Variants in MTMR8 observed in about 807,000 individuals in gnomAD.
MTMR8 encodes phosphatidylinositol-3,5-bisphosphate 3-phosphatase MTMR8.
In MTMR8, 65 loss-of-function variants were observed where a neutral mutation model predicts 39.3. The ratio of observed to expected loss-of-function variants is 1.65; its 90% confidence interval spans 1.35 to 2.03. The LOEUF (loss-of-function observed/expected upper bound fraction) is 2.03, where lower values mean the gene tolerates loss of function less well. MTMR8 is among the 30% of genes most tolerant of loss of function. The pLI, the probability that MTMR8 is intolerant of heterozygous loss-of-function variation, is 0.00. For missense variants in MTMR8, 777 were observed against 538.9 expected (o/e 1.44, Z -4.37); for synonymous variants, 245 against 185.2 (o/e 1.32, Z -2.62).
intron 10 of MTMR8, among the ~76,000 whole-genome samples, 176 bp from the exon 11 acceptor site, chrX:64,331,933 T>A (rs1443770063): frequency 6.3e-5 from 7 of 111,677 alleles, no homozygotes; most frequent in Admixed American, 2.8e-4. Flanking sequence ...ACCTCTTAGC[T>A]GCTGGTGTCC....
intron 12 of MTMR8, among the ~76,000 whole-genome samples, chrX:64,285,899 C>G (rs1336113074): frequency 5.4e-5 from 6 of 111,390 alleles, no homozygotes; most frequent in Admixed American, 9.5e-5. Context: ...GACACCCTAA[C>G]ATCACAATTA....
chrX:64,302,020 T>G (rs1414717444), intron 12 of MTMR8, among the ~76,000 whole-genome samples: 1 of 112,523 alleles, frequency 8.9e-6, no homozygotes, highest in Non-Finnish European at 1.9e-5. Flanking sequence ...TGTCTTTTTG[T>G]TTGTCTGTGC....
chrX:64,296,678 C>T (rs1293782370), intron 12 of MTMR8, among the ~76,000 whole-genome samples: 1 of 107,091 alleles, frequency 9.3e-6, no homozygotes, highest in Non-Finnish European at 1.9e-5. Context: ...GCGCTACACC[C>T]ACTAACTCGT....
intron 12 of MTMR8, among the ~76,000 whole-genome samples, chrX:64,282,319 T>A (rs1243292819): frequency 9.1e-6 from 1 of 110,374 alleles, no homozygotes; most frequent in African/African-American, 3.3e-5. Flanking sequence ...TGGAACCACA[T>A]GTGGACACAG....
At chrX:64,346,691 G>A (rs776615066) in intron 6 of MTMR8, among the ~76,000 whole-genome samples, 1 of 110,444 alleles carries the variant, frequency 9.1e-6, no homozygotes, top group Non-Finnish European at 1.9e-5. Flanking sequence ...ATGTTCAGGT[G>A]GCAAACTGAG....
intron 4 of MTMR8, among the ~76,000 whole-genome samples, chrX:64,350,303 G>A (rs890808211): frequency 9.1e-6 from 1 of 109,565 alleles, no homozygotes; most frequent in African/African-American, 3.3e-5. Context: ...GTTTATGAAA[G>A]AGTACATCAT....
chrX:64,392,726 T>G (rs2147251252), intron 1 of MTMR8, among the ~76,000 whole-genome samples: 1 of 111,684 alleles, frequency 9.0e-6, no homozygotes, highest in Non-Finnish European at 1.9e-5. Flanking sequence ...TCAATAATTT[T>G]TTAAAGTCTT....
intron 13 of MTMR8, 141 bp downstream of exon 13, chrX:64,270,806 T>G: frequency 1.8e-6 from 1 of 571,280 alleles, no homozygotes; most frequent in Non-Finnish European, 2.6e-6. Context: ...CTCAGAGATT[T>G]GTAGACACGG....
At chrX:64,341,998 A>C (rs747688002) in intron 8 of MTMR8, among the ~76,000 whole-genome samples, 4 of 112,391 alleles carry the variant, frequency 3.6e-5, no homozygotes, top group African/African-American at 6.5e-5. Flanking sequence ...GAACAGCAAG[A>C]GGTCCACTAC....
chrX:64,304,860 T>TTATATATATATATATATATATATA (rs751399962), intron 12 of MTMR8, among the ~76,000 whole-genome samples: 3 of 28,564 alleles, frequency 1.1e-4, no homozygotes, highest in Non-Finnish European at 2.6e-4. Flanking sequence ...GATCAAACAT[T>TTATATATATATATATATATATATA]TATATATATA....
intron 1 of MTMR8, among the ~76,000 whole-genome samples, chrX:64,368,368 G>T (rs922152380): frequency 6.3e-5 from 7 of 111,614 alleles, no homozygotes; most frequent in Admixed American, 1.9e-4. Flanking sequence ...ATACTTCAAG[G>T]CTATAGTAAC....
intron 1 of MTMR8, among the ~76,000 whole-genome samples, chrX:64,381,135 G>A (rs948849575): frequency 2.7e-5 from 3 of 111,811 alleles, no homozygotes; most frequent in African/African-American, 9.8e-5. Context: ...GGGTCAAATG[G>A]CATTTCTAGT....
chrX:64,305,930 C>T (rs1200130968), intron 12 of MTMR8: 3 of 217,292 alleles, frequency 1.4e-5, no homozygotes, highest in Admixed American at 5.7e-5. Context: ...GCCTAGGCAA[C>T]ATGGTGAGAC....
At chrX:64,303,387 A>G (rs748185631) in intron 12 of MTMR8, among the ~76,000 whole-genome samples, 1 of 112,600 alleles carries the variant, frequency 8.9e-6, no homozygotes, top group South Asian at 3.7e-4. Context: ...TGATGACAAG[A>G]CACACTGCAA....
At chrX:64,320,870 A>G (rs772270117) in intron 12 of MTMR8, among the ~76,000 whole-genome samples, 39 of 111,895 alleles carry the variant, frequency 3.5e-4, no homozygotes, top group Non-Finnish European at 6.9e-4. Flanking sequence ...ATAATACACC[A>G]ACAAAAAGCC....
intron 2 of MTMR8, 128 bp downstream of exon 2, chrX:64,359,277 T>C: frequency 1.6e-6 from 1 of 621,330 alleles, no homozygotes; most frequent in Non-Finnish European, 2.2e-6. Context: ...ATTATTAGAA[T>C]AGGTCCTCTG....
At chrX:64,271,639 T>A (rs1291805949) in intron 12 of MTMR8, among the ~76,000 whole-genome samples, 1 of 112,427 alleles carries the variant, frequency 8.9e-6, no homozygotes, top group Admixed American at 9.4e-5. Flanking sequence ...GAAACCCCCA[T>A]TCCCAGCTTC....
intron 6 of MTMR8, among the ~76,000 whole-genome samples, chrX:64,348,423 G>A (rs1316951297): frequency 9.0e-6 from 1 of 111,632 alleles, no homozygotes; most frequent in Non-Finnish European, 1.9e-5. Flanking sequence ...TATGCAGGAC[G>A]TCACACTGAG....
At chrX:64,336,802 A>C (rs951415706) in intron 9 of MTMR8, among the ~76,000 whole-genome samples, 1 of 111,910 alleles carries the variant, frequency 8.9e-6, no homozygotes, top group African/African-American at 3.3e-5. Flanking sequence ...TTCAAAACAA[A>C]AAAACAAAAC....
Sources: gnomAD v4.1 joint callset for allele counts (sites outside exome capture counted in the v4.1 genomes callset) on GRCh38, gnomAD v4.1.1 for gene constraint, MANE v1.5 for transcripts, NCBI Gene and HGNC (gene_info 2026-07-23, HGNC 2026-07-21) for gene names.